Variants in STK36 observed in about 807,000 individuals in gnomAD.
STK36 encodes serine/threonine-protein kinase 36.
STK36 carries 116 observed loss-of-function variants against 142.2 expected under a neutral mutation model. The ratio of observed to expected loss-of-function variants is 0.82; its 90% CI spans 0.70 to 0.95. STK36 has a LOEUF of 0.95. Among genes scored for constraint, STK36 ranks in the 40% least tolerant of loss-of-function variants. The pLI is 0.00. For synonymous variants in STK36, 619 were observed against 641.7 expected, an observed-to-expected ratio of 0.96 and a Z score of 0.53; for missense variants, 1,422 against 1,617.2, an observed-to-expected ratio of 0.88 and a Z score of 2.07.
At chr2:218,683,550 G>T (rs901713806) in intron 10 of STK36, among the ~76,000 whole-genome samples, 1 of 152,116 alleles carries the variant, frequency 6.6e-6, no homozygotes, top group African/African-American at 2.4e-5. Context: ...TGGGATTACA[G>T]GCATGAGCCA....
rs1235829006 is a variant in STK36, at chr2:218,672,884, T to C, written c.55T>C (p.Tyr19His). Residue 19 changes from tyrosine (Y) to histidine (H), a missense_variant, in exon 2 of 27, where the codon TAC becomes CAC. Transcript: ENST00000295709. ...MIGEGSFGRV[Y>H]KGRRKYSAQV... ...TGGAGAAGGCTCTTTTGGGAGGGTG[T>C]ACAAGGGTCGAAGAAAATACAGTGC... The C allele has an allele frequency of 6.2e-7, 1 of 1,614,022 alleles. No homozygotes were observed. The highest frequency in any genetic ancestry group is 1.7e-5 in the Admixed American group (1 of 60,008).
chr2:218,673,209 T>C, intron 2 of STK36: 1 of 400,874 alleles, frequency 2.5e-6, no homozygotes, highest in South Asian at 3.6e-5. Context: ...GGATTAAATA[T>C]GTTTTCACAT....
rs778256228 is a variant in STK36, at chr2:218,673,994, C to T, written c.303+38C>T. On this transcript the variant is annotated intron_variant, in intron 4 of 26. Transcript: ENST00000295709. ...CCTTCAACTTCTCCCCACCTCCGAC[C>T]TCTCTCCAGGTTAGAGAACTGGTAG... 78 of 1,589,074 alleles carry T rather than the reference C, an allele frequency of 4.9e-5. 1 individual carries two copies. In the South Asian group the frequency reaches 7.4e-4, roughly 15 times the overall value.
intron 23 of STK36, 89 bp from the exon 24 acceptor site, chr2:218,697,374 G>A: frequency 6.4e-7 from 1 of 1,556,510 alleles, no homozygotes; most frequent in African/African-American, 1.4e-5. Flanking sequence ...GGAAGGGACT[G>A]AATAGGTGTA....
At chr2:218,698,456 C>T in intron 25 of STK36, 146 bp from the exon 26 acceptor site, 2 of 954,938 alleles carry the variant, frequency 2.1e-6, no homozygotes, top group Non-Finnish European at 3.1e-6. Context: ...CGTTGTGTCT[C>T]ATGTGGAGTG....
rs1414704721 is a variant in STK36, at chr2:218,679,269, A to G, written c.778+8A>G. ...TTGCTGGTCATGTCACCAGTGAGTCATCAGGGTTCCCAGGGCTCTTGGACT... is the reference window on the plus strand; with the variant it reads ...TTGCTGGTCATGTCACCAGTGAGTCGTCAGGGTTCCCAGGGCTCTTGGACT... On this transcript the variant is annotated splice_region_variant and intron_variant, in intron 7 of 26. Transcript: ENST00000295709. The G allele has an allele frequency of 6.2e-7, 1 of 1,613,918 alleles. No individual in the cohort carries two copies. The highest frequency in any genetic ancestry group is 8.5e-7 in the Non-Finnish European group (1 of 1,179,814).
At chr2:218,698,561 C>T in intron 25 of STK36, 41 bp from the exon 26 acceptor site, 1 of 1,585,048 alleles carries the variant, frequency 6.3e-7, no homozygotes, top group Non-Finnish European at 8.6e-7. Flanking sequence ...GCTGCATATA[C>T]TCTCTCTCTC....
chr2:218,677,367 C>A (rs1176138019), intron 6 of STK36, among the ~76,000 whole-genome samples: 1 of 152,180 alleles, frequency 6.6e-6, no homozygotes, highest in Non-Finnish European at 1.5e-5. Context: ...TATTACAATT[C>A]GACATGAGAT....
At chr2:218,686,369 T>C (rs1940779577) in intron 11 of STK36, among the ~76,000 whole-genome samples, 1 of 152,162 alleles carries the variant, frequency 6.6e-6, no homozygotes, top group Non-Finnish European at 1.5e-5. Context: ...GGGATTCTCA[T>C]GTCTCAGCAT....
intron 10 of STK36, among the ~76,000 whole-genome samples, chr2:218,681,815 A>G (rs1313568212): frequency 1.3e-5 from 2 of 152,242 alleles, no homozygotes; most frequent in African/African-American, 4.8e-5. Context: ...CTTGTGACCT[A>G]AACACTTCTG....
intron 2 of STK36, 109 bp downstream of exon 2, chr2:218,673,022 T>C: frequency 1.0e-6 from 1 of 983,176 alleles, no homozygotes; most frequent in Non-Finnish European, 1.6e-6. Flanking sequence ...CCTAAGGTAC[T>C]GACTCCCTCA....
chr2:218,693,939 C>A lies in STK36; in HGVS notation c.2292C>A (p.Tyr764Ter). 6.2e-7 allele frequency: 1 copy of A among 1,614,252 alleles called. No homozygotes were observed. Among genetic ancestry groups the A allele is most frequent in the Non-Finnish European group, 8.5e-7 (1 of 1,180,036 alleles). ...AAGAGTCTACTGAAGTGACACTCTA[C>A]TTCCTCTCCCTTCTTGTCTTTCGGC... The part of the protein sequence containing the change: ...DWEESTEVTL[Y>*]FLSLLVFRLQ... Residue 764 changes from tyrosine (Y) to a stop codon, truncating the protein, a stop_gained, in exon 19 of 27, where the codon TAC (tyrosine) becomes TAA (stop). Coordinates refer to ENST00000295709, the MANE Select transcript of STK36 (RefSeq NM_015690.5). LOFTEE classifies it high-confidence loss of function.
At chr2:218,674,820 G>A (rs750221022) in intron 4 of STK36, among the ~76,000 whole-genome samples, 4 of 152,026 alleles carry the variant, frequency 2.6e-5, no homozygotes, top group East Asian at 1.9e-4. Flanking sequence ...GGCTGGTCTC[G>A]AACTGCTGGC....
intron 26 of STK36, 28 bp from the exon 27 acceptor site, chr2:218,701,838 G>A (rs1325075803): frequency 6.2e-7 from 1 of 1,612,756 alleles, no homozygotes; most frequent in East Asian, 2.2e-5. Context: ...CTCATGTTCT[G>A]TTCTATCATC....
chr2:218,701,585 C>G (rs996232857), intron 26 of STK36, among the ~76,000 whole-genome samples: 9 of 152,186 alleles, frequency 5.9e-5, no homozygotes, highest in African/African-American at 2.2e-4. Context: ...CTGCTGCATT[C>G]ATCAAGTCTT....
chr2:218,679,964 T>TA lies in STK36; in HGVS notation c.1020_1021insA (p.Leu341ThrfsTer28). ...GCAAGGTGGCTCCTGGCACAGCCCC[T>TA]CTGCCCAGACTCGGGGCCACTCCTC... On this transcript the variant is annotated frameshift_variant, in exon 9 of 27. Coordinates refer to ENST00000295709, the MANE Select transcript of STK36 (RefSeq NM_015690.5). LOFTEE classifies it high-confidence loss of function. 1 of 1,614,184 alleles carries TA rather than the reference T, an allele frequency of 6.2e-7. No individual in the cohort carries two copies. The highest frequency in any genetic ancestry group is 8.5e-7 in the Non-Finnish European group (1 of 1,180,034).
intron 14 of STK36, 91 bp from the exon 15 acceptor site, chr2:218,692,052 T>G (rs1432597864): frequency 6.7e-7 from 1 of 1,501,590 alleles, no homozygotes; most frequent in Non-Finnish European, 8.9e-7. Context: ...GTTTTTGTCC[T>G]CTTTCCTCAG....
At position 218,697,855 on chromosome 2, in the gene STK36, C is replaced by T. The variant is rs1941295372; in HGVS notation, c.2911C>T (p.Pro971Ser). The part of the protein sequence containing the change: ...PSFLNQLRQA[P>S]HGSEFLPVVV... ...TCTCTTCGACATTCCTCTCCTTAGG[C>T]CTCATGGGTCTGAGTTTCTCCCTGT... Residue 971 changes from proline (P) to serine (S), a missense_variant and splice_region_variant, in exon 25 of 27, where the codon CCT (proline) becomes TCT (serine). By Grantham distance (74) the Pro-to-Ser change is moderately conservative. Around this residue, in one of 2 missense-constraint regions of STK36, gnomAD observed 962 missense variants for 1,167.5 expected, o/e 0.82. Transcript: ENST00000295709. 4 of 1,614,164 alleles carry T rather than the reference C, an allele frequency of 2.5e-6. No homozygotes were observed. Among genetic ancestry groups the T allele is most frequent in the South Asian group, 1.1e-5 (1 of 91,084 alleles).
chr2:218,687,845 T>A (rs1301891989), intron 11 of STK36, among the ~76,000 whole-genome samples: 2 of 152,354 alleles, frequency 1.3e-5, no homozygotes, highest in South Asian at 2.1e-4. Context: ...TGTTCTTCTT[T>A]TGAAGAATAA....
Sources: allele counts gnomAD v4.1 joint callset (sites outside exome capture counted in the v4.1 genomes callset), GRCh38; gene constraint gnomAD v4.1.1; regional missense constraint gnomAD v4.1.1; transcripts MANE v1.5; gene names NCBI Gene and HGNC (gene_info 2026-07-23, HGNC 2026-07-21).